Variants in CELF2 observed in about 807,000 individuals in gnomAD.
The protein encoded by CELF2 is CUGBP Elav-like family member 2, also known as CUG triplet repeat RNA-binding protein 2.
Under a neutral mutation model 62.6 loss-of-function variants are expected in CELF2, and 8 were observed. The observed-to-expected ratio is 0.13, with a 90% CI of 0.07 to 0.23. The LOEUF (loss-of-function observed/expected upper bound fraction) is 0.23, where lower values mean the gene tolerates loss of function less well. Among genes scored for constraint, CELF2 ranks in the 10% least tolerant of loss-of-function variants. The probability of loss-of-function intolerance (pLI) is 1.00; values close to 1 mark genes in which losing one functional copy is unlikely to be tolerated. For missense variants in CELF2, 333 were observed against 671.0 expected (o/e 0.50, Z 5.56); for synonymous variants, 258 against 250.0 (o/e 1.03, Z -0.30).
At chr10:11,019,834 A>G (rs1345035066) in intron 1 of CELF2, among the ~76,000 whole-genome samples, 1 of 152,194 alleles carries the variant, frequency 6.6e-6, no homozygotes, top group Non-Finnish European at 1.5e-5. Flanking sequence ...CACGTAATAC[A>G]TGTTTGCACA....
the CELF2 span, among the ~76,000 whole-genome samples, chr10:10,469,459 A>G: frequency 2.0e-5 from 3 of 151,978 alleles, no homozygotes; most frequent in South Asian, 6.2e-4. Context: ...TCACCACATA[A>G]AGGAGGTGAA....
At chr10:11,002,525 G>A (rs144755452), upstream of CELF2, among the ~76,000 whole-genome samples, 27 of 152,300 alleles carry the variant, frequency 1.8e-4, no homozygotes, top group Non-Finnish European at 3.2e-4. This position sits in a 1 kb window ranked among gnomAD's most constrained non-coding sequence, Gnocchi z 4.4. Context: ...ATGTGGTGTC[G>A]TAGAAAGGGG....
chr10:10,937,247 G>A (rs574234445), intron 2 of CELF2, among the ~76,000 whole-genome samples: 2 of 148,910 alleles, frequency 1.3e-5, no homozygotes, highest in African/African-American at 2.5e-5. Context: ...TTCTTCTGCC[G>A]CAGCCTCCCA....
chr10:10,908,731 C>T (rs1344361091), intron 1 of CELF2, among the ~76,000 whole-genome samples: 6 of 152,190 alleles, frequency 3.9e-5, no homozygotes, highest in Admixed American at 3.3e-4. Context: ...TAAGTGGCTG[C>T]TCAGAGCTTC....
chr10:10,954,214 ATT>A (rs2048635100), intron 2 of CELF2, among the ~76,000 whole-genome samples: 1 of 3,248 alleles, frequency 3.1e-4, no homozygotes, highest in Non-Finnish European at 1.3e-3. Flanking sequence ...CAATTTATTT[ATT>A]ATTATTATTA....
At chr10:10,725,725 T>C in the CELF2 span, among the ~76,000 whole-genome samples, 260 of 152,350 alleles carry the variant, frequency 1.7e-3, 1 homozygote, top group Non-Finnish European at 3.2e-3. Flanking sequence ...GCTATGATGA[T>C]GACTCTCTTG....
intron 2 of CELF2, among the ~76,000 whole-genome samples, chr10:10,992,324 A>C (rs2053525672): frequency 6.6e-6 from 1 of 152,196 alleles, no homozygotes; most frequent in African/African-American, 2.4e-5. Context: ...ACCCAGGTGG[A>C]AGGAACAGCG....
the CELF2 span, among the ~76,000 whole-genome samples, chr10:10,672,703 A>T: frequency 6.6e-6 from 1 of 152,002 alleles, no homozygotes; most frequent in Non-Finnish European, 1.5e-5. Context: ...TTGTAGCTTT[A>T]TAGTAAGTCT....
chr10:10,875,530 A>G (rs994611102), intron 1 of CELF2, among the ~76,000 whole-genome samples: 3 of 152,166 alleles, frequency 2.0e-5, no homozygotes, highest in African/African-American at 7.2e-5. Context: ...GCCATTCATC[A>G]TTCACTGTGA....
chr10:11,161,582 C>T (rs771420333), intron 1 of CELF2, among the ~76,000 whole-genome samples: 6 of 152,322 alleles, frequency 3.9e-5, no homozygotes, highest in Admixed American at 6.5e-5. Context: ...ATGATTCCAG[C>T]GGGAGCTGTT....
chr10:11,290,576 G>C lies in CELF2; in HGVS notation c.976+2024G>C, dbSNP rs1180526616. ...TCAGACGGTCTAGGGCGACGGCCTA[G>C]GTGTTAGTCGGAAAGGAATTTTAAA... On this transcript the variant is annotated intron_variant, in intron 9 of 12. Transcript: ENST00000633077. This position sits in a 1 kb window ranked among gnomAD's most constrained non-coding sequence, Gnocchi z 4.3. Among the ~76,000 whole-genome samples, 1 of 151,786 alleles carries C rather than the reference G, an allele frequency of 6.6e-6. No individual in the cohort carries two copies. The highest frequency in any genetic ancestry group is 6.6e-5 in the Admixed American group (1 of 15,248).
rs1032455376 is a variant in CELF2 at position 10,928,189 on chromosome 10, C to T, written c.89+8190C>T. ...ATTTATAAATGATCTGTTCCCTTCCCCCTTAGCTCCAGAACAATGTCTCCC... is the reference window on the plus strand; with the variant it reads ...ATTTATAAATGATCTGTTCCCTTCCTCCTTAGCTCCAGAACAATGTCTCCC... On this transcript the variant is annotated intron_variant, in intron 2 of 13. Transcript: ENST00000636488. The surrounding 1 kb of genome is among the most constrained non-coding windows in gnomAD (Gnocchi z 4.8). Among the ~76,000 whole-genome samples, 4 of 152,172 alleles carry T rather than the reference C, an allele frequency of 2.6e-5. No homozygotes were observed. Among genetic ancestry groups the T allele is most frequent in the African/African-American group, 7.2e-5 (3 of 41,436 alleles).
At chr10:10,753,330 T>TG in the CELF2 span, among the ~76,000 whole-genome samples, 1 of 150,222 alleles carries the variant, frequency 6.7e-6, no homozygotes, top group African/African-American at 2.4e-5. Context: ...TGTGTGTGTG[T>TG]TAAGATCAAG....
intron 1 of CELF2, among the ~76,000 whole-genome samples, chr10:11,021,594 C>T (rs1422448453): frequency 6.6e-6 from 1 of 152,200 alleles, no homozygotes; most frequent in African/African-American, 2.4e-5. Flanking sequence ...AGTTGAGTGC[C>T]TGCCATGCGC....
chr10:11,257,794 G>A lies in CELF2; in HGVS notation c.460G>A (p.Asp154Asn), dbSNP rs749440674. 3.1e-6 allele frequency: 5 copies of A among 1,613,610 alleles called. No individual in the cohort carries two copies. Among genetic ancestry groups the A allele is most frequent in the Non-Finnish European group, 3.4e-6 (4 of 1,179,502 alleles). The change falls in exon 5 of 13, where the codon GAC becomes AAC. Residue 154 changes from aspartate to asparagine, a missense_variant. Physicochemically the swap from Asp to Asn is conservative, Grantham distance 23. Around this residue, in one of 3 missense-constraint regions of CELF2, gnomAD observed 253 missense variants for 503.0 expected, o/e 0.50. Transcript: ENST00000633077. ...GGTATCGAAGAAATGTAATGAGAACGACATCAGGGTGATGTTCTCTCCATT... is the reference window on the plus strand; with the variant it reads ...GGTATCGAAGAAATGTAATGAGAACAACATCAGGGTGATGTTCTCTCCATT... ...GMVSKKCNENDIRVMFSPFGQ... is the reference protein window; with the variant it reads ...GMVSKKCNENNIRVMFSPFGQ...
intron 2 of CELF2, chr10:10,925,193 C>T (rs1231843309): frequency 3.3e-5 from 5 of 152,086 alleles, no homozygotes; most frequent in South Asian, 2.1e-4. Flanking sequence ...GAAAGACTTT[C>T]GAAAATTAAG....
intron 1 of CELF2, among the ~76,000 whole-genome samples, chr10:11,154,103 A>C (rs751270497): frequency 6.6e-6 from 1 of 152,224 alleles, no homozygotes; most frequent in Non-Finnish European, 1.5e-5. Context: ...AAAAAAATCA[A>C]CTATGGGGAG....
chr10:10,632,260 G>C, the CELF2 span, among the ~76,000 whole-genome samples: 2 of 152,210 alleles, frequency 1.3e-5, no homozygotes, highest in African/African-American at 4.8e-5. Flanking sequence ...GATGCAAAGA[G>C]TTGGGGAGCC....
the CELF2 span, among the ~76,000 whole-genome samples, chr10:10,729,050 T>C: frequency 6.6e-6 from 1 of 152,176 alleles, no homozygotes; most frequent in Non-Finnish European, 1.5e-5. Flanking sequence ...GTAATTTGGC[T>C]CCATAAAAAG....
Sources: allele counts gnomAD v4.1 joint callset (sites outside exome capture counted in the v4.1 genomes callset), GRCh38; gene constraint gnomAD v4.1.1; regional missense constraint gnomAD v4.1.1; non-coding constraint Gnocchi (gnomAD v3.1); transcripts MANE v1.5; gene names NCBI Gene and HGNC (gene_info 2026-07-23, HGNC 2026-07-21).